ARHGEF3: variants seen among roughly 807,000 people sequenced by gnomAD.
The protein encoded by ARHGEF3 is Rho guanine nucleotide exchange factor 3.
In ARHGEF3, 28 loss-of-function variants were observed where a neutral mutation model predicts 63.2. The ratio of observed to expected loss-of-function variants is 0.44; its 90% CI spans 0.33 to 0.61. The LOEUF is 0.61. Among genes scored for constraint, ARHGEF3 ranks in the 20% least tolerant of loss-of-function variants. ARHGEF3 has a pLI of 0.03. For missense variants in ARHGEF3, 533 were observed against 659.3 expected (o/e 0.81, Z 2.10); for synonymous variants, 266 against 254.2 (o/e 1.05, Z -0.44).
At chr3:56,738,346 T>C (rs1263406980) in intron 7 of ARHGEF3, among the ~76,000 whole-genome samples, 1 of 152,162 alleles carries the variant, frequency 6.6e-6, no homozygotes, top group Non-Finnish European at 1.5e-5. Context: ...CCAATTTTTG[T>C]ACTTTTGGTA....
intron 1 of ARHGEF3, chr3:57,073,520 GGTT>G: frequency 2.9e-6 from 3 of 1,024,316 alleles, no homozygotes; most frequent in Admixed American, 6.1e-5. Flanking sequence ...GTGACTGTGG[GGTT>G]TGGCTCTGTT....
At chr3:57,045,997 T>C (rs1014552595) in intron 1 of ARHGEF3, among the ~76,000 whole-genome samples, 2 of 152,084 alleles carry the variant, frequency 1.3e-5, no homozygotes, top group African/African-American at 4.8e-5. Context: ...AAGTACAGCA[T>C]ACTTCATGCC....
At chr3:56,839,238 A>G (rs1055780762) in intron 4 of ARHGEF3, among the ~76,000 whole-genome samples, 9 of 152,110 alleles carry the variant, frequency 5.9e-5, no homozygotes, top group African/African-American at 2.2e-4. Flanking sequence ...GCATACACAC[A>G]TTTTAAAGGC....
intron 2 of ARHGEF3, among the ~76,000 whole-genome samples, chr3:57,025,623 C>T (rs1468211304): frequency 2.0e-5 from 3 of 152,308 alleles, no homozygotes; most frequent in Admixed American, 1.3e-4. Context: ...TAACCCTGTC[C>T]TAAAGCCAGA....
chr3:56,943,523 G>C (rs1261616791), intron 3 of ARHGEF3, among the ~76,000 whole-genome samples: 2 of 152,150 alleles, frequency 1.3e-5, no homozygotes, highest in African/African-American at 4.8e-5. Context: ...AGCTCTACAA[G>C]GAGATTAATG....
intron 1 of ARHGEF3, among the ~76,000 whole-genome samples, chr3:57,072,228 A>G (rs1705947385): frequency 6.6e-6 from 1 of 152,234 alleles, no homozygotes; most frequent in African/African-American, 2.4e-5. Flanking sequence ...CAAAATGTTA[A>G]GAGTTACCAT....
chr3:57,071,871 G>A (rs1220580996), intron 1 of ARHGEF3, among the ~76,000 whole-genome samples: 1 of 152,050 alleles, frequency 6.6e-6, no homozygotes, highest in East Asian at 1.9e-4. Context: ...TAAAATCATA[G>A]CTGATAAGGA....
chr3:56,890,502 T>C (rs1458868062), intron 3 of ARHGEF3, among the ~76,000 whole-genome samples: 3 of 152,220 alleles, frequency 2.0e-5, no homozygotes, highest in Admixed American at 2.0e-4. Flanking sequence ...ACTGCTGGCA[T>C]AATTATTTTG....
chr3:56,948,185 T>C (rs1414058664), intron 3 of ARHGEF3, among the ~76,000 whole-genome samples: 2 of 152,144 alleles, frequency 1.3e-5, no homozygotes, highest in African/African-American at 4.8e-5. Context: ...AGGAAAGATC[T>C]AAAATTGACA....
chr3:56,825,398 C>G (rs989738816), intron 4 of ARHGEF3, among the ~76,000 whole-genome samples: 1 of 152,202 alleles, frequency 6.6e-6, no homozygotes, highest in Non-Finnish European at 1.5e-5. Context: ...AGACCTCATT[C>G]TTTTTCCAAA....
chr3:56,876,454 G>A lies in ARHGEF3; in HGVS notation c.192+5838C>T, dbSNP rs138873527. On this transcript the variant is annotated intron_variant, in intron 4 of 12. Transcript: ENST00000338458. The stretch of plus-strand genomic sequence containing the variant: ...AGAAGAGCCTCCTCCACTGTTGGCA[G>A]ACCATAGCTCAGCTCTTCCTCAACT... Among the ~76,000 whole-genome samples the A allele has an allele frequency of 7.2e-5, 11 of 152,318 alleles. No individual in the cohort carries two copies. The East Asian group carries it at 1.5e-3, about 21-fold the overall frequency.
chr3:57,050,821 C>T (rs921022463), intron 1 of ARHGEF3, among the ~76,000 whole-genome samples: 1 of 152,186 alleles, frequency 6.6e-6, no homozygotes, highest in African/African-American at 2.4e-5. Context: ...CTTTGAAAGG[C>T]AATCTATCAA....
intron 2 of ARHGEF3, among the ~76,000 whole-genome samples, chr3:57,002,877 G>A (rs761847941): frequency 6.0e-5 from 9 of 150,216 alleles, no homozygotes; most frequent in African/African-American, 1.7e-4. Context: ...GGGTTCAAGC[G>A]ATTCTCCTGC....
At chr3:56,741,141 A>G (rs1185419894) in intron 7 of ARHGEF3, among the ~76,000 whole-genome samples, 1 of 150,512 alleles carries the variant, frequency 6.6e-6, no homozygotes, top group East Asian at 1.9e-4. Context: ...TTGTCTTTCT[A>G]TCTACCTGAA....
chr3:56,999,290 A>G (rs1702102885), intron 2 of ARHGEF3, among the ~76,000 whole-genome samples: 1 of 152,132 alleles, frequency 6.6e-6, no homozygotes, highest in Non-Finnish European at 1.5e-5. Flanking sequence ...ACCTCAAGTG[A>G]TCCGCCCACC....
chr3:56,749,072 TCAGA>T (rs2034576154), intron 6 of ARHGEF3, among the ~76,000 whole-genome samples: 3 of 152,182 alleles, frequency 2.0e-5, no homozygotes, highest in Admixed American at 2.0e-4. Flanking sequence ...CTGTTCCCAC[TCAGA>T]CGGACACATC....
intron 3 of ARHGEF3, among the ~76,000 whole-genome samples, chr3:56,954,268 C>T (rs1453884315): frequency 6.6e-6 from 1 of 152,202 alleles, no homozygotes; most frequent in Non-Finnish European, 1.5e-5. Context: ...GTTCCAGAGA[C>T]TTTCACAGCT....
At chr3:56,762,259 G>T (rs2035463164) in intron 2 of ARHGEF3, among the ~76,000 whole-genome samples, 1 of 152,180 alleles carries the variant, frequency 6.6e-6, no homozygotes, top group Non-Finnish European at 1.5e-5. Flanking sequence ...TGGGTGTGGG[G>T]ATGCTGGGAC....
chr3:56,998,411 T>C (rs1314579665), intron 2 of ARHGEF3, among the ~76,000 whole-genome samples: 1 of 151,578 alleles, frequency 6.6e-6, no homozygotes, highest in Non-Finnish European at 1.5e-5. Flanking sequence ...TCCTGACTTT[T>C]TTTTTTTTTT....
Sources: gnomAD v4.1 joint callset for allele counts (sites outside exome capture counted in the v4.1 genomes callset) on GRCh38, gnomAD v4.1.1 for gene constraint, MANE v1.5 for transcripts, NCBI Gene and HGNC (gene_info 2026-07-23, HGNC 2026-07-21) for gene names.